The following GFPT1 variants were observed in gnomAD, a reference collection of about 807,000 sequenced individuals.
The protein encoded by GFPT1 is glutamine--fructose-6-phosphate aminotransferase [isomerizing] 1.
GFPT1 carries 40 observed loss-of-function variants against 92.0 expected under a neutral mutation model. That is an observed-to-expected ratio of 0.43 (90% CI 0.34 to 0.57). The LOEUF (loss-of-function observed/expected upper bound fraction) is 0.57. GFPT1 is among the 20% of genes least tolerant of loss of function. GFPT1 has a pLI of 0.02. For missense variants in GFPT1, 448 were observed against 869.1 expected (o/e 0.52, Z 6.09); for synonymous variants, 269 against 280.6 (o/e 0.96, Z 0.41).
chr2:69,359,491 T>G (rs1441843368), intron 4 of GFPT1, among the ~76,000 whole-genome samples, 165 bp from the exon 5 acceptor site: 3 of 152,192 alleles, frequency 2.0e-5, no homozygotes, highest in Non-Finnish European at 2.9e-5. Flanking sequence ...TACCAGATTA[T>G]CATCAGGTAG....
intron 11 of GFPT1, among the ~76,000 whole-genome samples, chr2:69,346,624 C>G (rs1480456689): frequency 3.9e-5 from 6 of 151,988 alleles, no homozygotes; most frequent in Non-Finnish European, 7.4e-5. Flanking sequence ...AATTATTAAT[C>G]TATAAAATAA....
At chr2:69,348,961 TAA>T (rs1382371019) in intron 10 of GFPT1, among the ~76,000 whole-genome samples, 1 of 152,214 alleles carries the variant, frequency 6.6e-6, no homozygotes, top group Non-Finnish European at 1.5e-5. Context: ...AAAGCCATCC[TAA>T]ACTCTCACAG....
At chr2:69,348,875 C>T (rs1227246271) in intron 10 of GFPT1, among the ~76,000 whole-genome samples, 2 of 152,160 alleles carry the variant, frequency 1.3e-5, no homozygotes, top group South Asian at 2.1e-4. Flanking sequence ...AGTGCCTTAC[C>T]GTAATCCCTA....
chr2:69,373,334 T>A (rs4452195), intron 2 of GFPT1, among the ~76,000 whole-genome samples: 100,755 of 152,074 alleles, frequency 0.66, 34,880 homozygotes, highest in African/African-American at 0.88. Flanking sequence ...TTAAGATAGA[T>A]GAGGCTGGAA....
Position 69,354,522 on chromosome 2 carries a change from A to G in GFPT1, c.652T>C (p.Ser218Pro). The change falls in exon 8 of 20, where the codon TCT (serine) becomes CCT (proline). Residue 218 changes from serine (S) to proline (P), a missense_variant. Transcript: ENST00000357308. ...LIGVRSEHKLSTDHIPILYRT... is the reference protein window; with the variant it reads ...LIGVRSEHKLPTDHIPILYRT... Reference sequence around the variant, plus strand: ...TAGAGTATAGGAATGTGATCAGTAGAAAGTTTATGTTCACTCCGTACACCA... The same window carrying G: ...TAGAGTATAGGAATGTGATCAGTAGGAAGTTTATGTTCACTCCGTACACCA... The G allele has an allele frequency of 6.2e-7, 1 of 1,609,626 alleles. No individual in the cohort carries two copies.
chr2:69,347,602 C>T (rs1671115778), intron 11 of GFPT1, among the ~76,000 whole-genome samples: 2 of 151,814 alleles, frequency 1.3e-5, no homozygotes, highest in African/African-American at 2.4e-5. Context: ...CTCAGCCTCC[C>T]GAGTAGCTGG....
At chr2:69,338,710 T>TA (rs11296709) in intron 13 of GFPT1, 145 bp from the exon 14 acceptor site, 1,737 of 666,448 alleles carry the variant, frequency 2.6e-3, no homozygotes, top group East Asian at 6.1e-3. Flanking sequence ...TTAAAATATT[T>TA]AAAAAAAAAA....
In GFPT1 at chr2:69,320,444, G is replaced by C. The variant is rs1670378251; in HGVS notation, c.*5745C>G. The C allele has an allele frequency of 6.6e-6, 1 of 152,170 alleles. No homozygotes were observed. The highest frequency in any genetic ancestry group is 2.1e-4 in the South Asian group (1 of 4,828). The allele number at this position is 152,170 out of a possible 1,614,324, so 9.4% of individuals were successfully genotyped here. Reference sequence around the variant, plus strand: ...AAAATATACAAAGCTGAGTGACAGAGGCAAAAATTAATTCCTAAAGATCCA... The same window carrying C: ...AAAATATACAAAGCTGAGTGACAGACGCAAAAATTAATTCCTAAAGATCCA... On this transcript the variant is annotated 3_prime_UTR_variant, in exon 20 of 20. Transcript: ENST00000357308.
Position 69,354,492 on chromosome 2 carries a change from T to C in GFPT1, c.682A>G (p.Thr228Ala). Residue 228 changes from threonine (T) to alanine (A), a missense_variant, in exon 8 of 20, where the codon ACA becomes GCA. By Grantham distance (58) the Thr-to-Ala change is moderately conservative. This residue lies in a region of GFPT1 where 118 missense variants were observed against 192.9 expected (regional missense o/e 0.61). Transcript: ENST00000357308. ...GCATTTGTAGAGGTAATTTTACCTG[T>C]TCTGTAGAGTATAGGAATGTGATCA... is the stretch of plus-strand genomic sequence containing the variant. ...STDHIPILYRTARTQIGSKFT... is the reference protein window; with the variant it reads ...STDHIPILYRAARTQIGSKFT... The C allele has an allele frequency of 6.3e-7, 1 of 1,575,168 alleles. No individual in the cohort carries two copies. Among genetic ancestry groups the C allele is most frequent in the Non-Finnish European group, 8.7e-7 (1 of 1,144,500 alleles).
chr2:69,379,577 G>C (rs569126834), intron 1 of GFPT1, among the ~76,000 whole-genome samples: 4 of 151,796 alleles, frequency 2.6e-5, no homozygotes, highest in Admixed American at 2.0e-4. Context: ...CTGCTCTGTC[G>C]CCCAGGCTGG....
intron 10 of GFPT1, 101 bp from the exon 11 acceptor site, chr2:69,348,435 T>C: frequency 1.1e-6 from 1 of 936,292 alleles, no homozygotes; most frequent in Non-Finnish European, 1.7e-6. Context: ...ATATAAACTC[T>C]ATCACTCTGC....
At chr2:69,341,710 T>A (rs1180455627) in intron 13 of GFPT1, among the ~76,000 whole-genome samples, 1 of 148,304 alleles carries the variant, frequency 6.7e-6, no homozygotes, top group Admixed American at 6.7e-5. Flanking sequence ...AAATCTGATT[T>A]AAAAAAAAAA....
intron 11 of GFPT1, among the ~76,000 whole-genome samples, chr2:69,347,235 G>C (rs1199572479): frequency 6.7e-6 from 1 of 150,054 alleles, no homozygotes; most frequent in Admixed American, 6.7e-5. Flanking sequence ...GTTTGTAGTA[G>C]AGATAAGGTC....
chr2:69,352,123 A>AGT (rs1219352230), intron 9 of GFPT1, among the ~76,000 whole-genome samples: 1 of 151,548 alleles, frequency 6.6e-6, no homozygotes, highest in African/African-American at 2.4e-5. Context: ...ATTAGCTGAG[A>AGT]GTGGTAGAGT....
rs189850080 is a variant in GFPT1 at position 69,320,707 on chromosome 2, G to A, written c.*5482C>T. On this transcript the variant is annotated 3_prime_UTR_variant, in exon 20 of 20. Transcript: ENST00000357308. ...AGAGGCTGAGGCAAAAGACTCGTGT[G>A]AACACGGGAGGTGGAAGTTGCAGTC... 2 of 151,966 alleles carry A rather than the reference G, an allele frequency of 1.3e-5. No homozygotes were observed. The highest frequency in any genetic ancestry group is 1.3e-4 in the Admixed American group (2 of 15,214). The allele number at this position is 151,966 out of a possible 1,614,324, so 9.4% of individuals were successfully genotyped here.
chr2:69,386,796 C>T (rs1672138760), intron 1 of GFPT1, among the ~76,000 whole-genome samples: 1 of 152,344 alleles, frequency 6.6e-6, no homozygotes, highest in South Asian at 2.1e-4. Flanking sequence ...TCTCCCCTTT[C>T]GGTTCCTTCT....
At chr2:69,353,957 T>C (rs1671273308) in intron 9 of GFPT1, among the ~76,000 whole-genome samples, 1 of 152,204 alleles carries the variant, frequency 6.6e-6, no homozygotes, top group Non-Finnish European at 1.5e-5. Context: ...CAATGCTCTT[T>C]TCCTAATCTA....
intron 7 of GFPT1, among the ~76,000 whole-genome samples, chr2:69,355,811 T>C (rs1013747004): frequency 1.2e-4 from 18 of 152,052 alleles, no homozygotes; most frequent in Non-Finnish European, 2.5e-4. Context: ...TAGCAAGAAG[T>C]AGTGATGGTA....
intron 12 of GFPT1, 24 bp from the exon 13 acceptor site, chr2:69,342,273 A>C: frequency 7.0e-7 from 1 of 1,422,210 alleles, no homozygotes; most frequent in Non-Finnish European, 9.9e-7. Context: ...TTGTGTACAT[A>C]ATTATTTAGC....
Sources: gnomAD v4.1 joint callset for allele counts (sites outside exome capture counted in the v4.1 genomes callset) on GRCh38, gnomAD v4.1.1 for gene constraint, gnomAD v4.1.1 regional missense constraint, MANE v1.5 for transcripts, NCBI Gene and HGNC (gene_info 2026-07-23, HGNC 2026-07-21) for gene names.